Variants in SAMD12 observed in about 807,000 individuals in gnomAD.
SAMD12 encodes the protein sterile alpha motif domain-containing protein 12.
A neutral mutation model predicts 15.0 loss-of-function variants in SAMD12; 9 were observed. The ratio of observed to expected loss-of-function variants is 0.60; its 90% CI spans 0.36 to 1.05. The LOEUF is 1.05. Ranked by LOEUF, SAMD12 falls within the 50% of genes least tolerant of loss-of-function variation. SAMD12 has a pLI of 0.01. For synonymous variants in SAMD12, 86 were observed against 90.1 expected, an observed-to-expected ratio of 0.96 and a Z score of 0.25; for missense variants, 230 against 234.2, an observed-to-expected ratio of 0.98 and a Z score of 0.12.
chr8:118,565,122 G>C (rs1826811035), intron 2 of SAMD12, among the ~76,000 whole-genome samples: 1 of 152,156 alleles, frequency 6.6e-6, no homozygotes, highest in Admixed American at 6.5e-5. Flanking sequence ...CTGGTGAAAA[G>C]CAAATATACC....
chr8:118,209,523 C>T (rs1168188749), intron 4 of SAMD12, among the ~76,000 whole-genome samples: 2 of 152,114 alleles, frequency 1.3e-5, no homozygotes, highest in Non-Finnish European at 2.9e-5. Flanking sequence ...CTTTTGTGTA[C>T]GCACTTTCCC....
the SAMD12 span, among the ~76,000 whole-genome samples, chr8:118,148,609 C>A: frequency 6.6e-6 from 1 of 152,242 alleles, no homozygotes; most frequent in East Asian, 1.9e-4. Flanking sequence ...CAGAACACAA[C>A]CATTACCACA....
chr8:118,486,250 T>TA (rs199707060), intron 2 of SAMD12, among the ~76,000 whole-genome samples: 1 of 151,626 alleles, frequency 6.6e-6, no homozygotes, highest in Non-Finnish European at 1.5e-5. Flanking sequence ...CCGTCTCTAC[T>TA]AAAAAATACA....
the SAMD12 span, among the ~76,000 whole-genome samples, chr8:118,142,978 T>C: frequency 1.3e-5 from 2 of 152,218 alleles, no homozygotes; most frequent in African/African-American, 2.4e-5. Flanking sequence ...GGCCTGTTTA[T>C]TACGAAACAC....
intron 4 of SAMD12, among the ~76,000 whole-genome samples, chr8:118,320,638 AG>A (rs1490949081): frequency 9.5e-6 from 1 of 105,636 alleles, no homozygotes; most frequent in African/African-American, 3.8e-5. Context: ...GGACACAGGA[AG>A]GGGAACATCA....
chr8:118,501,040 T>A (rs576094698), intron 2 of SAMD12, among the ~76,000 whole-genome samples: 2 of 152,148 alleles, frequency 1.3e-5, no homozygotes, highest in Non-Finnish European at 2.9e-5. Context: ...ATGGGGGGAA[T>A]GCCTCTCTAG....
intron 4 of SAMD12, among the ~76,000 whole-genome samples, chr8:118,263,691 A>G (rs991659077): frequency 6.6e-6 from 1 of 152,116 alleles, no homozygotes; most frequent in Non-Finnish European, 1.5e-5. Context: ...TCCAACAAAC[A>G]TGAGAGGAGC....
At chr8:118,515,718 C>T (rs1825224363) in intron 2 of SAMD12, among the ~76,000 whole-genome samples, 1 of 152,188 alleles carries the variant, frequency 6.6e-6, no homozygotes, top group African/African-American at 2.4e-5. Context: ...CCTTTCCCAT[C>T]CTTCATATTC....
At chr8:118,491,843 C>T (rs1233300748) in intron 2 of SAMD12, among the ~76,000 whole-genome samples, 1 of 152,106 alleles carries the variant, frequency 6.6e-6, no homozygotes, top group Non-Finnish European at 1.5e-5. Context: ...TTGATCTATT[C>T]TCTTATTGAT....
At chr8:118,213,053 T>C (rs560252069) in intron 4 of SAMD12, among the ~76,000 whole-genome samples, 12 of 152,308 alleles carry the variant, frequency 7.9e-5, no homozygotes, top group African/African-American at 2.9e-4. Flanking sequence ...ACCTCATCTT[T>C]TGGCAAAGAG....
chr8:118,290,331 G>T (rs752046328), intron 4 of SAMD12, among the ~76,000 whole-genome samples: 25 of 152,090 alleles, frequency 1.6e-4, no homozygotes, highest in Non-Finnish European at 2.8e-4. Context: ...AACAAAAAGG[G>T]TGCTAGACTA....
At chr8:118,438,048 C>G (rs1007233475) in intron 3 of SAMD12, among the ~76,000 whole-genome samples, 2 of 152,162 alleles carry the variant, frequency 1.3e-5, no homozygotes, top group African/African-American at 4.8e-5. Flanking sequence ...TGGTTACTAA[C>G]TGATTGATTA....
rs182705208 is a variant in SAMD12 at position 118,378,448 on chromosome 8, T to C, written c.*969A>G. On this transcript the variant is annotated 3_prime_UTR_variant, in exon 4 of 4. Coordinates refer to ENST00000314727, the MANE Select transcript of SAMD12 (RefSeq NM_207506.3). Reference sequence around the variant, plus strand: ...ATCTCTGAGGACAAAATGCAAATAATGCATATGAGACAAACAATACTATTT... The same window carrying C: ...ATCTCTGAGGACAAAATGCAAATAACGCATATGAGACAAACAATACTATTT... 3,334 of 982,462 alleles carry C rather than the reference T, an allele frequency of 3.4e-3. 8 individuals are homozygous for C. The highest frequency in any genetic ancestry group is 0.014 in the Middle Eastern group (26 of 1,908). The allele number at this position is 982,462 out of a possible 1,614,324, so 60.9% of individuals were successfully genotyped here.
chr8:118,580,904 G>A lies in SAMD12; in HGVS notation c.14-11C>T. 1 of 1,596,134 alleles carries A rather than the reference G, an allele frequency of 6.3e-7. No homozygotes were observed. The highest frequency in any genetic ancestry group is 8.5e-7 in the Non-Finnish European group (1 of 1,171,558). On this transcript the variant is annotated splice_polypyrimidine_tract_variant and intron_variant, in intron 1 of 3. Coordinates refer to ENST00000314727, the MANE Select transcript of SAMD12 (RefSeq NM_207506.3). ...AACCACAGTGGAGAGCTAGGAAAAA[G>A]CAACAAATAGAACTCAGAAAACAAA... is the stretch of plus-strand genomic sequence containing the variant.
chr8:118,258,074 T>C (rs1036982329), intron 4 of SAMD12, among the ~76,000 whole-genome samples: 3 of 152,118 alleles, frequency 2.0e-5, no homozygotes, highest in Non-Finnish European at 4.4e-5. Context: ...AGGCAGATGC[T>C]GAGAGTCTTG....
At chr8:118,170,493 G>A in the SAMD12 span, among the ~76,000 whole-genome samples, 1 of 152,146 alleles carries the variant, frequency 6.6e-6, no homozygotes, top group Non-Finnish European at 1.5e-5. Flanking sequence ...TGAGAAGTAT[G>A]TAAGGCATGC....
chr8:118,530,565 G>A (rs1049246152), intron 2 of SAMD12, among the ~76,000 whole-genome samples: 1 of 151,962 alleles, frequency 6.6e-6, no homozygotes, highest in Non-Finnish European at 1.5e-5. Context: ...TTTTCTTGTT[G>A]AGTTGTTTGA....
chr8:118,343,742 AGT>A (rs1206755021), intron 4 of SAMD12, among the ~76,000 whole-genome samples: 1 of 152,074 alleles, frequency 6.6e-6, no homozygotes. Flanking sequence ...TGGGCCAAGG[AGT>A]GTATTGTGTA....
intron 4 of SAMD12, among the ~76,000 whole-genome samples, chr8:118,226,837 C>G (rs953563933): frequency 1.8e-4 from 28 of 152,074 alleles, no homozygotes; most frequent in Non-Finnish European, 7.4e-5. Flanking sequence ...ATGAGAGCTG[C>G]TTGGAAGAAC....
Sources: gnomAD v4.1 joint callset for allele counts (sites outside exome capture counted in the v4.1 genomes callset) on GRCh38, gnomAD v4.1.1 for gene constraint, MANE v1.5 for transcripts, NCBI Gene and HGNC (gene_info 2026-07-23, HGNC 2026-07-21) for gene names.